CSNK2A1: variants seen among roughly 807,000 people sequenced by gnomAD.
CSNK2A1 encodes the protein casein kinase 2 alpha 1.
CSNK2A1 carries 10 observed loss-of-function variants against 62.9 expected under a neutral mutation model. The observed-to-expected ratio is 0.16, with a 90% CI of 0.10 to 0.27. The LOEUF (loss-of-function observed/expected upper bound fraction) is 0.27, where lower values mean the gene tolerates loss of function less well. CSNK2A1 is among the 10% of genes least tolerant of loss of function. The probability of loss-of-function intolerance (pLI) is 1.00; values close to 1 mark genes in which losing one functional copy is unlikely to be tolerated. For missense variants in CSNK2A1, 160 were observed against 492.0 expected (o/e 0.33, Z 6.38); for synonymous variants, 124 against 167.8 (o/e 0.74, Z 2.02).
chr20:492,845 T>G (rs1390289632), intron 8 of CSNK2A1: 1 of 154,548 alleles, frequency 6.5e-6, no homozygotes, highest in South Asian at 2.0e-4. Flanking sequence ...TTTTCAGAAT[T>G]CAACATAATG....
At chr20:516,124 G>C (rs1375766173) in intron 2 of CSNK2A1, among the ~76,000 whole-genome samples, 1 of 152,170 alleles carries the variant, frequency 6.6e-6, no homozygotes, top group South Asian at 2.1e-4. Context: ...CCTCTCCACT[G>C]TTCATAATAC....
At chr20:525,435 G>A (rs186742413) in intron 2 of CSNK2A1, among the ~76,000 whole-genome samples, 106 of 152,018 alleles carry the variant, frequency 7.0e-4, no homozygotes, top group African/African-American at 2.0e-3. Context: ...GGCGGATCAC[G>A]AGGTCAGAAG....
In CSNK2A1 at chr20:474,394, G is replaced by C. The variant is rs1460689880; in HGVS notation, c.*9567C>G. ...AGGTGTCAGATGAATCAGGAATTGAGACGAGATGGGAAGGCATCAAGACCA... is the reference window on the plus strand; with the variant it reads ...AGGTGTCAGATGAATCAGGAATTGACACGAGATGGGAAGGCATCAAGACCA... On this transcript the variant is annotated 3_prime_UTR_variant, in exon 14 of 14. Transcript: ENST00000217244. 6.6e-6 allele frequency: 1 copy of C among 152,118 alleles called. No individual in the cohort carries two copies. The highest frequency in any genetic ancestry group is 1.5e-5 in the Non-Finnish European group (1 of 68,032). The allele number at this position is 152,118 out of a possible 1,614,324, so 9.4% of individuals were successfully genotyped here.
In CSNK2A1 at chr20:499,770, T is replaced by A; in HGVS notation, c.315+63A>T. The A allele has an allele frequency of 1.3e-6, 2 of 1,510,670 alleles. No homozygotes were observed. Among genetic ancestry groups the A allele is most frequent in the Non-Finnish European group, 1.8e-6 (2 of 1,089,814 alleles). The allele number at this position is 1,510,670 out of a possible 1,614,324, so 93.6% of individuals were successfully genotyped here. A position where few individuals can be genotyped will look rare whatever the true frequency, so the allele number is the denominator to read the frequency against. On this transcript the variant is annotated intron_variant, in intron 5 of 13. Transcript: ENST00000217244. This position sits in a 1 kb window ranked among gnomAD's most constrained non-coding sequence, Gnocchi z 4.2. ...GGGGGAGGGAACAAAAAGAGGCCAG[T>A]TGTGCTCCAGGTCAAACACCATCTC...
At chr20:537,676 TA>T (rs1352484922) in intron 1 of CSNK2A1, among the ~76,000 whole-genome samples, 1 of 152,232 alleles carries the variant, frequency 6.6e-6, no homozygotes, top group Admixed American at 6.5e-5. Context: ...AATGACATGC[TA>T]CTTTCGAAAT....
chr20:504,989 G>T (rs991279333), intron 4 of CSNK2A1, 129 bp downstream of exon 4: 1 of 744,084 alleles, frequency 1.3e-6, no homozygotes, highest in Non-Finnish European at 2.2e-6. Context: ...TGAGTTCATA[G>T]GATACAATAA....
intron 1 of CSNK2A1, among the ~76,000 whole-genome samples, chr20:531,571 CA>C (rs2019213509): frequency 1.3e-5 from 2 of 151,374 alleles, no homozygotes; most frequent in East Asian, 1.9e-4. Flanking sequence ...TGTACATGTA[CA>C]TTTTTTTTTG....
chr20:492,697 C>T (rs2018260633), intron 8 of CSNK2A1: 1 of 225,198 alleles, frequency 4.4e-6, no homozygotes, highest in Non-Finnish European at 8.8e-6. Context: ...TCAATGAAGT[C>T]TGATCATTGC....
At chr20:528,178 C>T (rs554940940) in intron 1 of CSNK2A1, 129 bp from the exon 2 acceptor site, 2 of 152,228 alleles carry the variant, frequency 1.3e-5, no homozygotes, top group East Asian at 1.9e-4. Flanking sequence ...GTTATTTAAC[C>T]TACCTGATTA....
chr20:529,646 T>C (rs1214496062), intron 1 of CSNK2A1, among the ~76,000 whole-genome samples: 2 of 152,282 alleles, frequency 1.3e-5, no homozygotes, highest in East Asian at 3.9e-4. Flanking sequence ...AAAAATCATA[T>C]GTGGAAATTG....
At chr20:485,172 T>TA (rs1196168843) in intron 13 of CSNK2A1, among the ~76,000 whole-genome samples, 2 of 131,920 alleles carry the variant, frequency 1.5e-5, no homozygotes, top group Non-Finnish European at 3.2e-5. Context: ...CCACTCCTCT[T>TA]AGACATGGCT....
chr20:503,612 C>T lies in CSNK2A1; in HGVS notation c.213+1506G>A, dbSNP rs1226805787. Reference sequence around the variant, plus strand: ...CAACATTAGATTGTGTTACACTCCTCGTGATGGATTGTGTTATACTCCTCG... The same window carrying T: ...CAACATTAGATTGTGTTACACTCCTTGTGATGGATTGTGTTATACTCCTCG... On this transcript the variant is annotated intron_variant, in intron 4 of 13. Coordinates refer to ENST00000217244, the MANE Select transcript of CSNK2A1 (RefSeq NM_177559.3). The T allele has an allele frequency of 1.3e-5, 5 of 398,380 alleles. No individual in the cohort carries two copies. The highest frequency in any genetic ancestry group is 7.1e-5 in the East Asian group (2 of 28,082). The allele number at this position is 398,380 out of a possible 1,614,324, so 24.7% of individuals were successfully genotyped here. A position where few individuals can be genotyped will look rare whatever the true frequency, so the allele number is the denominator to read the frequency against.
At chr20:535,911 T>C (rs2019309919) in intron 1 of CSNK2A1, among the ~76,000 whole-genome samples, 1 of 152,038 alleles carries the variant, frequency 6.6e-6, no homozygotes, top group South Asian at 2.1e-4. Flanking sequence ...TCCAAACATA[T>C]CCCTAACACA....
intron 4 of CSNK2A1, chr20:502,676 T>C (rs1423376040): frequency 6.6e-6 from 1 of 152,218 alleles, no homozygotes; most frequent in African/African-American, 2.4e-5. Flanking sequence ...TCACCCTTCA[T>C]TCAAAATCAT....
rs2017939459 is a variant in CSNK2A1 at position 480,619 on chromosome 20, G to A, written c.*3342C>T. ...AACCAATTTTAGACTCATTTTTTGA[G>A]GAAGGAACTGAGCATGACCTTACCA... On this transcript the variant is annotated 3_prime_UTR_variant, in exon 14 of 14. Coordinates refer to ENST00000217244, the MANE Select transcript of CSNK2A1 (RefSeq NM_177559.3). 1 of 152,132 alleles carries A rather than the reference G, an allele frequency of 6.6e-6. No individual in the cohort carries two copies. The highest frequency in any genetic ancestry group is 1.5e-5 in the Non-Finnish European group (1 of 68,020). The allele number at this position is 152,132 out of a possible 1,614,324, so 9.4% of individuals were successfully genotyped here. A position where few individuals can be genotyped will look rare whatever the true frequency, so the allele number is the denominator to read the frequency against.
chr20:487,579 C>A lies in CSNK2A1; in HGVS notation c.825-4G>T, dbSNP rs377604014. The A allele has an allele frequency of 6.2e-7, 1 of 1,614,170 alleles. No homozygotes were observed. The highest frequency in any genetic ancestry group is 2.2e-5 in the East Asian group (1 of 44,886). On this transcript the variant is annotated splice_polypyrimidine_tract_variant and splice_region_variant and intron_variant, in intron 11 of 13. Coordinates refer to ENST00000217244, the MANE Select transcript of CSNK2A1 (RefSeq NM_177559.3). Reference sequence around the variant, plus strand: ...TTCCCATCGCTTTCGAGAGTGTCTGCAGGACCAAAAGAGGGCATGAGAAAT... The same window carrying A: ...TTCCCATCGCTTTCGAGAGTGTCTGAAGGACCAAAAGAGGGCATGAGAAAT...
At chr20:511,199 G>A (rs1429606555) in intron 2 of CSNK2A1, among the ~76,000 whole-genome samples, 1 of 151,992 alleles carries the variant, frequency 6.6e-6, no homozygotes, top group African/African-American at 2.4e-5. Context: ...AATTAGCCAG[G>A]TGTGATGGTG....
In CSNK2A1 at chr20:473,734, C is replaced by T. The variant is rs1453702085; in HGVS notation, c.*10227G>A. 6.6e-6 allele frequency: 1 copy of T among 152,280 alleles called. No individual in the cohort carries two copies. Among genetic ancestry groups the T allele is most frequent in the Non-Finnish European group, 1.5e-5 (1 of 68,074 alleles). 9.4% of individuals were successfully genotyped at this position (152,280 alleles called of 1,614,324 possible). A position where few individuals can be genotyped will look rare whatever the true frequency, so the allele number is the denominator to read the frequency against. On this transcript the variant is annotated 3_prime_UTR_variant, in exon 14 of 14. Coordinates refer to ENST00000217244, the MANE Select transcript of CSNK2A1 (RefSeq NM_177559.3). The stretch of plus-strand genomic sequence containing the variant: ...CATGACCCAGTCCCTCACCAGTGTC[C>T]ACTTGTGTTTACCAGGTAACCAGTG...
At chr20:488,490 T>A (rs560591265) in intron 11 of CSNK2A1, 188 bp downstream of exon 11, 4 of 539,076 alleles carry the variant, frequency 7.4e-6, no homozygotes, top group Admixed American at 3.6e-5. Flanking sequence ...GTAAGTTAAT[T>A]TGAATAAAGG....
Sources: gnomAD v4.1 joint callset for allele counts (sites outside exome capture counted in the v4.1 genomes callset) on GRCh38, gnomAD v4.1.1 for gene constraint, Gnocchi (gnomAD v3.1) non-coding constraint, MANE v1.5 for transcripts, NCBI Gene and HGNC (gene_info 2026-07-23, HGNC 2026-07-21) for gene names.